STIM2: variants seen among roughly 807,000 people sequenced by gnomAD.
The protein encoded by STIM2 is stromal interaction molecule 2.
Under a neutral mutation model 85.8 loss-of-function variants are expected in STIM2, and 31 were observed. The ratio of observed to expected loss-of-function variants is 0.36; its 90% confidence interval spans 0.27 to 0.49. The LOEUF (loss-of-function observed/expected upper bound fraction) is 0.49, where lower values mean the gene tolerates loss of function less well. Ranked by LOEUF, STIM2 falls within the 20% of genes least tolerant of loss-of-function variation. The pLI is 0.98. For missense variants in STIM2, 841 were observed against 927.6 expected (o/e 0.91, Z 1.21); for synonymous variants, 356 against 331.1 (o/e 1.08, Z -0.82).
intron 2 of STIM2, among the ~76,000 whole-genome samples, chr4:26,948,939 A>G (rs1304857827): frequency 2.6e-5 from 4 of 152,206 alleles, no homozygotes; most frequent in Admixed American, 2.0e-4. Flanking sequence ...GAGGAGAACT[A>G]CAGAATAATG....
intron 4 of STIM2, among the ~76,000 whole-genome samples, chr4:26,997,843 A>G (rs1263543085): frequency 6.6e-6 from 1 of 152,226 alleles, no homozygotes; most frequent in African/African-American, 2.4e-5. Context: ...CATTTCAGAG[A>G]GGGAATGTTA....
Position 26,932,075 on chromosome 4 carries a change from C to T in STIM2, c.282+12441C>T, listed in dbSNP as rs901824728. On this transcript the variant is annotated intron_variant, in intron 2 of 11. Transcript: ENST00000467087. ...CTATGGTATGGACTCCTTATAACAACTGTATTAGCTAAGAATCTACTCTTA... is the reference window on the plus strand; with the variant it reads ...CTATGGTATGGACTCCTTATAACAATTGTATTAGCTAAGAATCTACTCTTA... 9.2e-5 allele frequency among the ~76,000 whole-genome samples: 14 copies of T among 152,150 alleles called. 1 individual carries two copies. Among genetic ancestry groups the T allele is most frequent in the Admixed American group, 2.6e-4 (4 of 15,268 alleles).
rs1035285393 is a variant in STIM2, at chr4:26,971,048, G to C, written c.397+13322G>C. Among the ~76,000 whole-genome samples, 7 of 152,142 alleles carry C rather than the reference G, an allele frequency of 4.6e-5. No individual in the cohort carries two copies. In the East Asian group the frequency reaches 1.2e-3, roughly 25 times the overall value. The stretch of plus-strand genomic sequence containing the variant: ...TGGCTGCATAGATATCTTCTTTTGA[G>C]AAGTGTCTGTTCATATCCTTTGCCC... On this transcript the variant is annotated intron_variant, in intron 3 of 11. Transcript: ENST00000467087.
chr4:26,961,186 A>G (rs1368974220), intron 3 of STIM2, among the ~76,000 whole-genome samples: 2 of 152,202 alleles, frequency 1.3e-5, no homozygotes, highest in African/African-American at 2.4e-5. Context: ...GACAAGGGCA[A>G]AGTGCATGAA....
At position 26,885,958 on chromosome 4, in the gene STIM2, A is replaced by C. The variant is rs959242723; in HGVS notation, c.151+24589A>C. Among the ~76,000 whole-genome samples the C allele has an allele frequency of 2.0e-5, 3 of 150,274 alleles. No homozygotes were observed. In the Admixed American group the frequency reaches 2.0e-4, roughly 10 times the overall value. On this transcript the variant is annotated intron_variant, in intron 1 of 11. Coordinates refer to ENST00000467087, the MANE Select transcript of STIM2 (RefSeq NM_020860.4). ...CATTATGGCTTATTGAAAATTACAT[A>C]TAAACCTTATTTTAAATCTGATTTT...
intron 2 of STIM2, among the ~76,000 whole-genome samples, chr4:26,952,073 A>T (rs550618437): frequency 1.3e-5 from 2 of 152,160 alleles, no homozygotes; most frequent in Non-Finnish European, 2.9e-5. Context: ...CGAGAACAGT[A>T]TGGGGGAAAC....
Position 27,020,486 on chromosome 4 carries a change from G to A in STIM2, c.1764-2033G>A, listed in dbSNP as rs140514567. ...AGCATTTGAGAATTATGCAGCACAC[G>A]TAGGTGTATTATGTGAAACCATTAG... is the stretch of plus-strand genomic sequence containing the variant. On this transcript the variant is annotated intron_variant, in intron 11 of 11. Transcript: ENST00000467087. Among the ~76,000 whole-genome samples the A allele has an allele frequency of 3.4e-4, 52 of 152,326 alleles. No homozygotes were observed. In the Middle Eastern group the frequency reaches 0.024, roughly 70 times the overall value.
chr4:26,950,732 A>G (rs1234144651), intron 2 of STIM2, among the ~76,000 whole-genome samples: 2 of 152,192 alleles, frequency 1.3e-5, no homozygotes, highest in Admixed American at 1.3e-4. Context: ...CACAAAATGG[A>G]CTAAGACAAA....
At chr4:26,901,501 T>C (rs145302269) in intron 1 of STIM2, among the ~76,000 whole-genome samples, 6 of 152,312 alleles carry the variant, frequency 3.9e-5, no homozygotes, top group African/African-American at 1.4e-4. Context: ...AAACATTTAT[T>C]ACATATCCTC....
At chr4:26,885,865 A>ATATG (rs1723222484) in intron 1 of STIM2, among the ~76,000 whole-genome samples, 1 of 120,648 alleles carries the variant, frequency 8.3e-6, no homozygotes, top group Non-Finnish European at 1.7e-5. Context: ...ATATATATAT[A>ATATG]TATATATATG....
chr4:27,005,028 G>GGC (rs1293962181), intron 7 of STIM2, among the ~76,000 whole-genome samples: 28 of 152,280 alleles, frequency 1.8e-4, no homozygotes, highest in South Asian at 4.1e-4. Flanking sequence ...GGTTTTGCGT[G>GGC]TCATATTCCA....
chr4:27,003,580 A>G (rs945589741), intron 7 of STIM2, among the ~76,000 whole-genome samples: 7 of 152,142 alleles, frequency 4.6e-5, no homozygotes, highest in Admixed American at 2.6e-4. Flanking sequence ...AAGATAGAAT[A>G]TAGGCATTTA....
At chr4:27,018,025 G>A (rs765233132) in intron 11 of STIM2, 41 bp downstream of exon 11, 1 of 1,600,954 alleles carries the variant, frequency 6.2e-7, no homozygotes, top group South Asian at 1.1e-5. Context: ...TTGGGGCTGG[G>A]TTGGGGGTAA....
rs150975796 is a variant in STIM2, at chr4:27,017,830, C to G, written c.1609C>G (p.His537Asp). 5 of 1,614,188 alleles carry G rather than the reference C, an allele frequency of 3.1e-6. No individual in the cohort carries two copies. The highest frequency in any genetic ancestry group is 2.2e-5 in the East Asian group (1 of 44,884). Residue 537 changes from histidine to aspartate, a missense_variant, in exon 11 of 12, where the codon CAC (histidine) becomes GAC (aspartate). Around this residue, in one of 3 missense-constraint regions of STIM2, gnomAD observed 293 missense variants for 284.5 expected, o/e 1.03. Transcript: ENST00000467087. ...AGCTCAGCTTGCTCCACACGCCCCC[C>G]ACCCGTCACACCCTCGGCACCCTCA...
rs61447865 is a variant in STIM2 at position 26,998,922 on chromosome 4, A to AAT, written c.510-310_510-309insAT. On this transcript the variant is annotated intron_variant, in intron 4 of 11. Coordinates refer to ENST00000467087, the MANE Select transcript of STIM2 (RefSeq NM_020860.4). ...ATGAGACTCTGTCTCAAAAAAAAAA[A>AAT]TTTTTTTTTCAACTTTATAAATTTC... Among the ~76,000 whole-genome samples, 6 of 149,620 alleles carry AAT rather than the reference A, an allele frequency of 4.0e-5. No individual in the cohort carries two copies. The East Asian group carries it at 5.9e-4, about 15-fold the overall frequency.
chr4:27,008,397 C>T, intron 8 of STIM2, 31 bp from the exon 9 acceptor site: 1 of 1,393,632 alleles, frequency 7.2e-7, no homozygotes, highest in East Asian at 2.4e-5. Flanking sequence ...TTTTTCAAAC[C>T]TAGCCTTATT....
intron 1 of STIM2, among the ~76,000 whole-genome samples, chr4:26,905,835 C>T (rs1724103345): frequency 6.6e-6 from 1 of 152,012 alleles, no homozygotes; most frequent in Non-Finnish European, 1.5e-5. Flanking sequence ...TTTTAGTTCA[C>T]ACAGAGAAAA....
At chr4:27,022,227 C>A (rs186358300) in intron 11 of STIM2, among the ~76,000 whole-genome samples, 6 of 152,078 alleles carry the variant, frequency 3.9e-5, no homozygotes, top group African/African-American at 1.4e-4. Flanking sequence ...CTGAATCACC[C>A]GTAAAATTTA....
intron 1 of STIM2, among the ~76,000 whole-genome samples, chr4:26,892,860 A>T (rs1723549178): frequency 1.3e-5 from 2 of 152,224 alleles, no homozygotes; most frequent in South Asian, 4.1e-4. Flanking sequence ...TTGAGGAAAA[A>T]AAGCATTTTT....
Sources: gnomAD v4.1 joint callset for allele counts (sites outside exome capture counted in the v4.1 genomes callset) on GRCh38, gnomAD v4.1.1 for gene constraint, gnomAD v4.1.1 regional missense constraint, MANE v1.5 for transcripts, NCBI Gene and HGNC (gene_info 2026-07-23, HGNC 2026-07-21) for gene names.